Variants in TICAM2 observed in about 807,000 individuals in gnomAD.
The protein encoded by TICAM2 is TIR domain containing adaptor molecule 2.
Under a neutral mutation model 7.3 loss-of-function variants are expected in TICAM2, and 8 were observed. That is an observed-to-expected ratio of 1.10 (90% CI 0.65 to 1.99). The LOEUF is 1.99. TICAM2 is among the 30% of genes most tolerant of loss of function. TICAM2 has a pLI of 0.00. For missense variants in TICAM2, 304 were observed against 278.8 expected (o/e 1.09, Z -0.65); for synonymous variants, 113 against 99.6 (o/e 1.13, Z -0.80).
chr5:115,588,582 C>T (rs1226723979), intron 1 of TICAM2, among the ~76,000 whole-genome samples: 1 of 152,224 alleles, frequency 6.6e-6, no homozygotes, highest in Admixed American at 6.5e-5. Flanking sequence ...GCTGCAGTAT[C>T]TGCTAAAGAA....
chr5:115,593,350 T>A (rs1434600568), intron 1 of TICAM2, among the ~76,000 whole-genome samples: 1 of 151,994 alleles, frequency 6.6e-6, no homozygotes, highest in Admixed American at 6.5e-5. Context: ...AAGATCAACA[T>A]AAACAATTCA....
At chr5:115,598,930 C>T (rs1299348475) in intron 1 of TICAM2, among the ~76,000 whole-genome samples, 2 of 151,966 alleles carry the variant, frequency 1.3e-5, no homozygotes, top group Non-Finnish European at 2.9e-5. Context: ...TCTACATAGT[C>T]CTCAAAAGAG....
chr5:115,589,355 G>A (rs1309807284), intron 1 of TICAM2, among the ~76,000 whole-genome samples: 1 of 152,184 alleles, frequency 6.6e-6, no homozygotes, highest in Non-Finnish European at 1.5e-5. Context: ...ACTATTCTTA[G>A]ACTTCTTAGA....
At chr5:115,583,428 G>A (rs757409184) in intron 1 of TICAM2, among the ~76,000 whole-genome samples, 21 of 152,110 alleles carry the variant, frequency 1.4e-4, no homozygotes, top group Non-Finnish European at 2.6e-4. Context: ...TTACAACTTC[G>A]ACTTATTTTT....
At chr5:115,592,194 A>T (rs1398044381) in intron 1 of TICAM2, among the ~76,000 whole-genome samples, 1 of 152,252 alleles carries the variant, frequency 6.6e-6, no homozygotes. Context: ...TGAAAATGGG[A>T]TCTCAGTGAT....
At chr5:115,595,345 C>G (rs537042652) in intron 1 of TICAM2, among the ~76,000 whole-genome samples, 3 of 152,162 alleles carry the variant, frequency 2.0e-5, no homozygotes, top group Non-Finnish European at 4.4e-5. Context: ...CAAACAAACC[C>G]TCCCCACAAC....
At chr5:115,593,477 C>A (rs1052993947) in intron 1 of TICAM2, among the ~76,000 whole-genome samples, 2 of 151,768 alleles carry the variant, frequency 1.3e-5, no homozygotes, top group African/African-American at 4.8e-5. Flanking sequence ...AAAAAAGGGG[C>A]AAGATTTCCA....
chr5:115,596,605 T>A (rs940146775), intron 1 of TICAM2, among the ~76,000 whole-genome samples: 1 of 152,080 alleles, frequency 6.6e-6, no homozygotes. Context: ...TAACCAGAAC[T>A]ATCATAAAAG....
At position 115,579,333 on chromosome 5, in the gene TICAM2, C is replaced by T. The variant is rs973380135; in HGVS notation, c.*1216G>A. 1 of 152,564 alleles carries T rather than the reference C, an allele frequency of 6.6e-6. No homozygotes were observed. The highest frequency in any genetic ancestry group is 1.5e-5 in the Non-Finnish European group (1 of 68,042). 9.5% of individuals were successfully genotyped at this position (152,564 alleles called of 1,614,324 possible). ...CCTTTAGAGATCCATCAATTCAACC[C>T]TTTCATTTCACAGATAAAGGAGGGT... On this transcript the variant is annotated 3_prime_UTR_variant, in exon 2 of 2. Coordinates refer to ENST00000427199, the MANE Select transcript of TICAM2 (RefSeq NM_021649.7).
In TICAM2 at chr5:115,581,028, C is replaced by A. The variant is rs1472273843; in HGVS notation, c.229G>T (p.Val77Leu). The change falls in exon 2 of 2, where the codon GTG (valine) becomes TTG (leucine). Residue 77 changes from valine (V) to leucine (L), a missense_variant. Physicochemically the swap from Val to Leu is conservative, Grantham distance 32. Transcript: ENST00000427199. ...TGCAATATCACAAATTTGAGGAACA[C>A]CTCTTCTTCAGCTTCTTCTTCAAAC... ...EMFEEEAEEE[V>L]FLKFVILHAE... 2 of 1,614,096 alleles carry A rather than the reference C, an allele frequency of 1.2e-6. No homozygotes were observed. The highest frequency in any genetic ancestry group is 1.7e-5 in the Admixed American group (1 of 60,018).
In TICAM2 at chr5:115,580,489, A is replaced by G. The variant is rs1173463294; in HGVS notation, c.*60T>C. On this transcript the variant is annotated 3_prime_UTR_variant, in exon 2 of 2. Coordinates refer to ENST00000427199, the MANE Select transcript of TICAM2 (RefSeq NM_021649.7). Reference sequence around the variant, plus strand: ...ACATTTCCTAGAAACTGCTTTCTCAAGTGAAGATTAATCATTTGGTTTACA... The same window carrying G: ...ACATTTCCTAGAAACTGCTTTCTCAGGTGAAGATTAATCATTTGGTTTACA... The G allele has an allele frequency of 6.8e-7, 1 of 1,479,026 alleles. No homozygotes were observed. The highest frequency in any genetic ancestry group is 9.0e-7 in the Non-Finnish European group (1 of 1,116,268). 91.6% of individuals were successfully genotyped at this position (1,479,026 alleles called of 1,614,324 possible).
chr5:115,582,427 C>A (rs1282533391), intron 1 of TICAM2, among the ~76,000 whole-genome samples: 1 of 151,132 alleles, frequency 6.6e-6, no homozygotes, highest in Non-Finnish European at 1.5e-5. Context: ...CCCGCCTCAG[C>A]CTCTCAAAGC....
At chr5:115,583,080 TA>T (rs2127192328) in intron 1 of TICAM2, among the ~76,000 whole-genome samples, 1 of 152,246 alleles carries the variant, frequency 6.6e-6, no homozygotes, top group East Asian at 1.9e-4. Context: ...TCCAAAATAA[TA>T]AAACCAAATT....
chr5:115,597,590 CTG>C (rs1384750048), intron 1 of TICAM2, among the ~76,000 whole-genome samples: 1 of 152,170 alleles, frequency 6.6e-6, no homozygotes, highest in Non-Finnish European at 1.5e-5. Flanking sequence ...AAGGAACTGA[CTG>C]TAAAATAGTA....
rs372767761 is a variant in TICAM2 at position 115,580,556 on chromosome 5, A to C, written c.701T>G (p.Ile234Ser). 3.1e-6 allele frequency: 5 copies of C among 1,590,772 alleles called. No individual in the cohort carries two copies. The African/African-American group carries it at 4.1e-5, about 13-fold the overall frequency. Residue 234 changes from isoleucine to serine, a missense_variant, in exon 2 of 2, where the codon ATT becomes AGT. By Grantham distance (142) the Ile-to-Ser change is moderately radical. Transcript: ENST00000427199. ...ETRNMVQRQFIA is the reference protein window; with the variant it reads ...ETRNMVQRQFSA ...CATGTTATATGTTTCATCTCAGGCAATAAATTGTCTTTGTACCATATTTCT... is the reference window on the plus strand; with the variant it reads ...CATGTTATATGTTTCATCTCAGGCACTAAATTGTCTTTGTACCATATTTCT...
At chr5:115,593,574 T>A (rs1469449640) in intron 1 of TICAM2, among the ~76,000 whole-genome samples, 1 of 152,334 alleles carries the variant, frequency 6.6e-6, no homozygotes, top group South Asian at 2.1e-4. Context: ...AAATATTCAA[T>A]ATAGTAAAGA....
chr5:115,593,404 AC>A (rs1373468374), intron 1 of TICAM2, among the ~76,000 whole-genome samples: 1 of 88,856 alleles, frequency 1.1e-5, no homozygotes, highest in African/African-American at 7.8e-5. Flanking sequence ...AGATAAAATT[AC>A]AAAAAAAATG....
intron 1 of TICAM2, among the ~76,000 whole-genome samples, chr5:115,598,974 G>C (rs940287039): frequency 6.6e-6 from 1 of 151,548 alleles, no homozygotes; most frequent in Admixed American, 6.6e-5. Flanking sequence ...TGTGCCTCTA[G>C]GCCCAGCTAT....
chr5:115,591,165 C>T (rs531862180), intron 1 of TICAM2, among the ~76,000 whole-genome samples: 5 of 152,296 alleles, frequency 3.3e-5, no homozygotes, highest in Non-Finnish European at 5.9e-5. Context: ...GACGACTCTC[C>T]CCCTAGAGTA....
Sources: gnomAD v4.1 joint callset for allele counts (sites outside exome capture counted in the v4.1 genomes callset) on GRCh38, gnomAD v4.1.1 for gene constraint, MANE v1.5 for transcripts, NCBI Gene and HGNC (gene_info 2026-07-23, HGNC 2026-07-21) for gene names.